Variants in TTBK2 observed in about 807,000 individuals in gnomAD.
TTBK2 encodes tau-tubulin kinase 2.
TTBK2 carries 28 observed loss-of-function variants against 110.8 expected under a neutral mutation model. The ratio of observed to expected loss-of-function variants is 0.25; its 90% CI spans 0.19 to 0.35. The LOEUF is 0.35. Ranked by LOEUF, TTBK2 falls within the 10% of genes least tolerant of loss-of-function variation. The pLI is 1.00. For synonymous variants in TTBK2, 532 were observed against 527.3 expected (o/e 1.01, Z -0.12); for missense variants, 1,369 against 1,500.3 (o/e 0.91, Z 1.45).
chr15:42,839,341 T>TTCAC (rs1263329082), intron 4 of TTBK2, among the ~76,000 whole-genome samples: 1 of 152,240 alleles, frequency 6.6e-6, no homozygotes, highest in East Asian at 1.9e-4. Flanking sequence ...CTTTATCCAG[T>TTCAC]TCACCATTGA....
chr15:42,900,442 G>A (rs2029919854), intron 1 of TTBK2, among the ~76,000 whole-genome samples: 1 of 152,104 alleles, frequency 6.6e-6, no homozygotes, highest in Admixed American at 6.6e-5. Flanking sequence ...TATAGGGCTG[G>A]GCATGGTGGC....
At chr15:42,918,523 GC>G (rs902539241) in intron 1 of TTBK2, among the ~76,000 whole-genome samples, 2 of 152,174 alleles carry the variant, frequency 1.3e-5, no homozygotes, top group Admixed American at 6.6e-5. Context: ...AAAAGTGGCT[GC>G]CCCCCACCAA....
At chr15:42,766,427 C>G (rs1421627840) in intron 13 of TTBK2, among the ~76,000 whole-genome samples, 1 of 102,662 alleles carries the variant, frequency 9.7e-6, no homozygotes, top group Non-Finnish European at 1.8e-5. Flanking sequence ...GAAGGAAGAT[C>G]TACCAAGCGA....
chr15:42,871,161 A>C (rs981156375), intron 3 of TTBK2, among the ~76,000 whole-genome samples: 2 of 152,190 alleles, frequency 1.3e-5, no homozygotes, highest in Non-Finnish European at 2.9e-5. Context: ...TACCTCACTG[A>C]AATAGGGACC....
chr15:42,788,750 CTTTT>C (rs1337745428), intron 10 of TTBK2, among the ~76,000 whole-genome samples: 3 of 152,052 alleles, frequency 2.0e-5, no homozygotes, highest in Non-Finnish European at 4.4e-5. Context: ...CTCTTTCTTA[CTTTT>C]TTTAGGTGTG....
chr15:42,801,701 T>A (rs766866847), intron 9 of TTBK2: 3 of 888,780 alleles, frequency 3.4e-6, no homozygotes, highest in Non-Finnish European at 5.8e-6. Flanking sequence ...ATCCGAGATC[T>A]GGGACTGCAG....
chr15:42,813,103 G>A (rs577333758), intron 7 of TTBK2, among the ~76,000 whole-genome samples: 3 of 152,180 alleles, frequency 2.0e-5, no homozygotes, highest in Admixed American at 6.5e-5. Flanking sequence ...ATCAAGGAAA[G>A]ACATGAACAT....
At chr15:42,872,536 T>C in intron 3 of TTBK2, 75 bp downstream of exon 3, 1 of 1,535,648 alleles carries the variant, frequency 6.5e-7, no homozygotes, top group Non-Finnish European at 8.9e-7. Flanking sequence ...AGAATGTAAT[T>C]AAGGTTCAGG....
At chr15:42,779,039 A>T (rs1268671881) in intron 11 of TTBK2, among the ~76,000 whole-genome samples, 3 of 152,234 alleles carry the variant, frequency 2.0e-5, no homozygotes, top group Non-Finnish European at 1.5e-5. Flanking sequence ...ACTTAAAAAG[A>T]AAAAAACAAT....
intron 3 of TTBK2, among the ~76,000 whole-genome samples, chr15:42,854,282 A>G (rs1006950741): frequency 1.3e-5 from 2 of 152,228 alleles, no homozygotes; most frequent in Admixed American, 6.5e-5. Flanking sequence ...ATGCTCAAGT[A>G]AATATTTATA....
intron 9 of TTBK2, among the ~76,000 whole-genome samples, chr15:42,807,073 T>C (rs1054628973): frequency 6.6e-6 from 1 of 152,156 alleles, no homozygotes; most frequent in Non-Finnish European, 1.5e-5. Context: ...AGTCAGAGGA[T>C]CCTACAACTG....
intron 3 of TTBK2, among the ~76,000 whole-genome samples, chr15:42,869,113 G>C (rs1390242549): frequency 6.6e-6 from 1 of 151,922 alleles, no homozygotes; most frequent in African/African-American, 2.4e-5. Flanking sequence ...TTTGAGACAG[G>C]GTCTGGCTCC....
At chr15:42,894,407 GA>G (rs1362136036) in intron 1 of TTBK2, among the ~76,000 whole-genome samples, 1 of 151,944 alleles carries the variant, frequency 6.6e-6, no homozygotes, top group African/African-American at 2.4e-5. Context: ...AAAAGAAGAG[GA>G]AAAAACACTT....
chr15:42,888,921 A>C (rs896298332), intron 1 of TTBK2, among the ~76,000 whole-genome samples: 4 of 151,776 alleles, frequency 2.6e-5, no homozygotes, highest in Non-Finnish European at 5.9e-5. Context: ...ACTCCTATTT[A>C]CTCTCCTACT....
intron 13 of TTBK2, among the ~76,000 whole-genome samples, chr15:42,774,351 T>C (rs1295554113): frequency 2.0e-5 from 3 of 152,124 alleles, no homozygotes; most frequent in African/African-American, 7.2e-5. Flanking sequence ...CCTGGGGGCT[T>C]TTCATGGCTT....
chr15:42,884,314 T>C (rs139100953), intron 1 of TTBK2, among the ~76,000 whole-genome samples: 2 of 152,324 alleles, frequency 1.3e-5, no homozygotes, highest in East Asian at 3.9e-4. Context: ...GTGGCTTATA[T>C]TAATAATAAG....
chr15:42,912,594 C>T (rs1024979932), intron 1 of TTBK2, among the ~76,000 whole-genome samples: 1 of 152,014 alleles, frequency 6.6e-6, no homozygotes, highest in African/African-American at 2.4e-5. Context: ...GCCTGTAGTT[C>T]CAGCTACTCG....
At chr15:42,881,450 G>C (rs1420366788) in intron 1 of TTBK2, among the ~76,000 whole-genome samples, 1 of 149,130 alleles carries the variant, frequency 6.7e-6, no homozygotes, top group African/African-American at 2.5e-5. Context: ...ACAATCAATA[G>C]ATGCAAATGC....
intron 4 of TTBK2, among the ~76,000 whole-genome samples, 198 bp downstream of exon 4, chr15:42,840,162 A>T (rs1363765280): frequency 2.6e-4 from 39 of 152,214 alleles, no homozygotes; most frequent in Admixed American, 2.6e-3. Flanking sequence ...ATACAGGTCA[A>T]CTCAAATAGC....
Sources: allele counts gnomAD v4.1 joint callset (sites outside exome capture counted in the v4.1 genomes callset), GRCh38; gene constraint gnomAD v4.1.1; transcripts MANE v1.5; gene names NCBI Gene and HGNC (gene_info 2026-07-23, HGNC 2026-07-21).